GSK3B: variants seen among roughly 807,000 people sequenced by gnomAD.
The protein encoded by GSK3B is glycogen synthase kinase 3 beta.
GSK3B carries 15 observed loss-of-function variants against 56.4 expected under a neutral mutation model. The observed-to-expected ratio is 0.27, with a 90% CI of 0.18 to 0.41. GSK3B has a LOEUF of 0.41. Among genes scored for constraint, GSK3B ranks in the 10% least tolerant of loss-of-function variants. The probability of loss-of-function intolerance (pLI) is 1.00; values close to 1 mark genes in which losing one functional copy is unlikely to be tolerated. For missense variants in GSK3B, 300 were observed against 513.4 expected (o/e 0.58, Z 4.02); for synonymous variants, 181 against 188.9 (o/e 0.96, Z 0.34).
intron 1 of GSK3B, among the ~76,000 whole-genome samples, chr3:120,017,942 C>T (rs939450494): frequency 6.6e-6 from 1 of 152,184 alleles, no homozygotes; most frequent in African/African-American, 2.4e-5. Flanking sequence ...GAGATGACCT[C>T]GGACCCTGCA....
intron 1 of GSK3B, among the ~76,000 whole-genome samples, chr3:120,025,577 T>C (rs546236974): frequency 5.4e-4 from 83 of 152,318 alleles, no homozygotes; most frequent in African/African-American, 1.9e-3. Context: ...CACACATGAA[T>C]AGAAAATTTC....
At chr3:119,961,317 T>G (rs904670965) in intron 2 of GSK3B, among the ~76,000 whole-genome samples, 2 of 152,108 alleles carry the variant, frequency 1.3e-5, no homozygotes, top group Non-Finnish European at 2.9e-5. Flanking sequence ...TTCCTCATTG[T>G]TGGTGCATTA....
At chr3:119,957,313 A>G (rs117230189) in intron 2 of GSK3B, among the ~76,000 whole-genome samples, 1 of 152,226 alleles carries the variant, frequency 6.6e-6, no homozygotes, top group African/African-American at 2.4e-5. Flanking sequence ...AAAAGGACTC[A>G]TGTATGCTAC....
In GSK3B at chr3:119,825,684, T is replaced by C. The variant is rs539619910; in HGVS notation, c.*1104A>G. On this transcript the variant is annotated 3_prime_UTR_variant, in exon 11 of 11. Transcript: ENST00000264235. ...ATTAAATACAGATTCTAGATTTGGA[T>C]TTAAAATTAGAACTATGTGTAGAAT... 1.3e-5 allele frequency: 3 copies of C among 226,438 alleles called. No homozygotes were observed. Among genetic ancestry groups the C allele is most frequent in the Non-Finnish European group, 2.6e-5 (3 of 113,892 alleles). The allele number at this position is 226,438 out of a possible 1,614,324, so 14.0% of individuals were successfully genotyped here.
chr3:119,947,394 G>A, intron 2 of GSK3B, 43 bp from the exon 3 acceptor site: 1 of 1,165,522 alleles, frequency 8.6e-7, no homozygotes, highest in South Asian at 1.2e-5. Context: ...AAGGATAACA[G>A]CTATTCATCA....
At position 119,912,741 on chromosome 3, in the gene GSK3B, C is replaced by T. The variant is rs921865746; in HGVS notation, c.678G>A (p.Glu226=). The change falls in exon 6 of 11, where the codon GAG becomes GAA. Residue 226 remains glutamate (E), a synonymous_variant. Transcript: ENST00000264235. ...TATAATCAGTGGCTCCAAAGATCAA[C>T]TCTGGTGCCCTATAGTACCGAGAAC... ...YICSRYYRAP[E]LIFGATDYTS... is the part of the protein sequence containing the mutation. 3 of 1,596,174 alleles carry T rather than the reference C, an allele frequency of 1.9e-6. No individual in the cohort carries two copies. Among genetic ancestry groups the T allele is most frequent in the Non-Finnish European group, 2.6e-6 (3 of 1,165,196 alleles).
intron 2 of GSK3B, among the ~76,000 whole-genome samples, chr3:119,963,121 T>C (rs1025023177): frequency 6.6e-6 from 1 of 152,062 alleles, no homozygotes; most frequent in Non-Finnish European, 1.5e-5. Flanking sequence ...ACAGAATACT[T>C]AGGAATTAAC....
At chr3:119,915,343 A>T (rs1240456960) in intron 5 of GSK3B, among the ~76,000 whole-genome samples, 1 of 152,114 alleles carries the variant, frequency 6.6e-6, no homozygotes, top group Non-Finnish European at 1.5e-5. Context: ...AATAATCAAT[A>T]TTTTGAAAAA....
intron 8 of GSK3B, among the ~76,000 whole-genome samples, chr3:119,872,890 C>T (rs1202430022): frequency 6.6e-6 from 1 of 152,120 alleles, no homozygotes; most frequent in Non-Finnish European, 1.5e-5. Context: ...TTTAACCACA[C>T]CTGCACATAC....
intron 2 of GSK3B, among the ~76,000 whole-genome samples, chr3:119,977,772 T>C (rs2107521367): frequency 6.6e-6 from 1 of 152,142 alleles, no homozygotes; most frequent in South Asian, 2.1e-4. Flanking sequence ...ATAAAACCAA[T>C]AGGGGGAAAA....
At chr3:119,929,961 G>A (rs1030628643) in intron 3 of GSK3B, among the ~76,000 whole-genome samples, 1 of 151,100 alleles carries the variant, frequency 6.6e-6, no homozygotes, top group African/African-American at 2.4e-5. Context: ...CACGCCTGTG[G>A]TCACAGCGAC....
intron 9 of GSK3B, among the ~76,000 whole-genome samples, chr3:119,856,205 G>A (rs1023216543): frequency 6.6e-6 from 1 of 151,864 alleles, no homozygotes; most frequent in Admixed American, 6.6e-5. Flanking sequence ...GGAAACTCAG[G>A]TAGGGATAGT....
chr3:120,005,531 T>C (rs149160013), intron 1 of GSK3B, among the ~76,000 whole-genome samples: 67 of 152,202 alleles, frequency 4.4e-4, no homozygotes, highest in Non-Finnish European at 7.8e-4. Flanking sequence ...CAGAGAAAGG[T>C]TGGGTTACCC....
At chr3:119,831,787 T>C (rs544951121) in intron 10 of GSK3B, among the ~76,000 whole-genome samples, 3 of 152,186 alleles carry the variant, frequency 2.0e-5, no homozygotes, top group Non-Finnish European at 4.4e-5. Flanking sequence ...AGAACTGACA[T>C]TTCACTGACT....
intron 1 of GSK3B, among the ~76,000 whole-genome samples, chr3:120,089,741 CA>C (rs550750395): frequency 1.5e-3 from 232 of 152,178 alleles, no homozygotes; most frequent in Middle Eastern, 3.4e-3. Flanking sequence ...ATATTTTAAC[CA>C]AAAGTGCCAC....
At chr3:119,838,536 T>C (rs1047539380) in intron 10 of GSK3B, among the ~76,000 whole-genome samples, 5 of 152,164 alleles carry the variant, frequency 3.3e-5, no homozygotes, top group Non-Finnish European at 4.4e-5. Flanking sequence ...ATTTTGACAA[T>C]AGTAACCAAC....
intron 1 of GSK3B, among the ~76,000 whole-genome samples, chr3:120,083,275 G>A (rs1304605158): frequency 6.6e-6 from 1 of 152,144 alleles, no homozygotes; most frequent in African/African-American, 2.4e-5. Flanking sequence ...ATGGGATCCA[G>A]GAAACTGGAG....
intron 1 of GSK3B, among the ~76,000 whole-genome samples, chr3:120,038,249 T>C (rs917807324): frequency 1.3e-5 from 2 of 152,176 alleles, no homozygotes; most frequent in African/African-American, 2.4e-5. Flanking sequence ...TCAATTTTAG[T>C]TATCATAATT....
At chr3:119,835,196 G>A (rs1476318179) in intron 10 of GSK3B, among the ~76,000 whole-genome samples, 1 of 152,252 alleles carries the variant, frequency 6.6e-6, no homozygotes, top group Non-Finnish European at 1.5e-5. Context: ...ACTCTATGAG[G>A]ACATGGGGCA....
Sources: gnomAD v4.1 joint callset for allele counts (sites outside exome capture counted in the v4.1 genomes callset) on GRCh38, gnomAD v4.1.1 for gene constraint, MANE v1.5 for transcripts, NCBI Gene and HGNC (gene_info 2026-07-23, HGNC 2026-07-21) for gene names.